The following BLTP3A variants were observed in gnomAD, a reference collection of about 807,000 sequenced individuals.
BLTP3A encodes the protein ICBP90 binding protein 1.
the BLTP3A span, chr6:34,823,422 C>G: frequency 7.7e-7 from 1 of 1,298,026 alleles, no homozygotes; most frequent in South Asian, 1.3e-5. Flanking sequence ...AAAATAAAAA[C>G]TTTTTATTAT....
At chr6:34,843,001 T>G in the BLTP3A span, among the ~76,000 whole-genome samples, 3 of 152,328 alleles carry the variant, frequency 2.0e-5, no homozygotes, top group East Asian at 3.8e-4. Flanking sequence ...TTTATTTTTT[T>G]GAAACAGGGT....
chr6:34,852,427 C>T, the BLTP3A span, among the ~76,000 whole-genome samples: 48 of 152,236 alleles, frequency 3.2e-4, no homozygotes, highest in African/African-American at 1.1e-3. Flanking sequence ...AAATGTCATG[C>T]GGGAGCTAGA....
At chr6:34,835,263 A>AT in the BLTP3A span, 1 of 1,608,596 alleles carries the variant, frequency 6.2e-7, no homozygotes, top group Non-Finnish European at 8.5e-7. Flanking sequence ...ATACGAGGTG[A>AT]TAAACCCCAT....
chr6:34,867,168 T>G, the BLTP3A span: 1 of 1,514,698 alleles, frequency 6.6e-7, no homozygotes, highest in Non-Finnish European at 8.8e-7. Flanking sequence ...TTTGTAGAGG[T>G]TGGATTTGAA....
chr6:34,829,971 A>AT, the BLTP3A span, among the ~76,000 whole-genome samples: 5 of 150,922 alleles, frequency 3.3e-5, no homozygotes, highest in East Asian at 2.0e-4. Context: ...CGCCTCACTG[A>AT]TTTTTTTGTG....
chr6:34,836,203 T>C, the BLTP3A span: 1 of 1,614,172 alleles, frequency 6.2e-7, no homozygotes, highest in Non-Finnish European at 8.5e-7. Context: ...CCCAGGCATT[T>C]GGTGGCAGCC....
At chr6:34,872,062 C>G in the BLTP3A span, 1 of 936,608 alleles carries the variant, frequency 1.1e-6, no homozygotes, top group Non-Finnish European at 1.6e-6. Flanking sequence ...TGTCACCTAG[C>G]AGCGGCTTCT....
chr6:34,795,472 A>C, the BLTP3A span, among the ~76,000 whole-genome samples: 507 of 149,728 alleles, frequency 3.4e-3, 1 homozygote, highest in South Asian at 0.016. Context: ...ATCTCGGCTC[A>C]CTGCAACCTC....
At chr6:34,836,171 C>T in the BLTP3A span, 3 of 1,614,102 alleles carry the variant, frequency 1.9e-6, no homozygotes, top group Non-Finnish European at 2.5e-6. Flanking sequence ...TCCACCAGCC[C>T]CCAGTGCCCA....
chr6:34,851,803 C>T, the BLTP3A span, among the ~76,000 whole-genome samples: 3 of 152,154 alleles, frequency 2.0e-5, no homozygotes, highest in African/African-American at 7.2e-5. Context: ...GTGCTCTATT[C>T]TACTATGGCT....
the BLTP3A span, among the ~76,000 whole-genome samples, chr6:34,824,905 A>G: frequency 6.6e-6 from 1 of 152,108 alleles, no homozygotes; most frequent in Non-Finnish European, 1.5e-5. Flanking sequence ...TCCTGGCCTC[A>G]GGTGATCCAC....
the BLTP3A span, chr6:34,836,466 C>A: frequency 1.0e-6 from 1 of 961,844 alleles, no homozygotes; most frequent in Middle Eastern, 3.4e-4. Flanking sequence ...GTTGGCTTCC[C>A]TTAATCACAG....
the BLTP3A span, chr6:34,792,372 C>T: frequency 1.7e-5 from 23 of 1,389,860 alleles, no homozygotes; most frequent in Non-Finnish European, 2.1e-5. Flanking sequence ...ACGCCGCGCT[C>T]CGGGCCCAGT....
chr6:34,818,033 T>A, the BLTP3A span, among the ~76,000 whole-genome samples: 8 of 151,990 alleles, frequency 5.3e-5, no homozygotes, highest in African/African-American at 1.9e-4. Context: ...TTTTTTTTTG[T>A]ATTTTTAGTA....
At chr6:34,853,069 T>C in the BLTP3A span, among the ~76,000 whole-genome samples, 1 of 152,216 alleles carries the variant, frequency 6.6e-6, no homozygotes, top group Non-Finnish European at 1.5e-5. Flanking sequence ...AATTCAAAAC[T>C]GTCTTTTCTA....
the BLTP3A span, chr6:34,858,988 G>A: frequency 6.2e-7 from 1 of 1,614,138 alleles, no homozygotes; most frequent in South Asian, 1.1e-5. Flanking sequence ...CTTTCCCAGT[G>A]CTGAAGTGGC....
chr6:34,847,435 T>C, the BLTP3A span, among the ~76,000 whole-genome samples: 1 of 152,132 alleles, frequency 6.6e-6, no homozygotes, highest in Non-Finnish European at 1.5e-5. Flanking sequence ...TATTGGGTCC[T>C]GGGCTTTTCT....
the BLTP3A span, among the ~76,000 whole-genome samples, chr6:34,805,206 G>A: frequency 6.6e-6 from 1 of 152,030 alleles, no homozygotes; most frequent in African/African-American, 2.4e-5. Context: ...ACCTTAGCCT[G>A]AGAGGTCGAG....
the BLTP3A span, among the ~76,000 whole-genome samples, chr6:34,808,369 AAG>A: frequency 6.6e-6 from 1 of 150,780 alleles, no homozygotes; most frequent in Non-Finnish European, 1.5e-5. Flanking sequence ...AAAAAAAAAA[AAG>A]AATAGAAATC....
Sources: gnomAD v4.1 joint callset for allele counts (sites outside exome capture counted in the v4.1 genomes callset) on GRCh38, gnomAD v4.1.1 for gene constraint, MANE v1.5 for transcripts, NCBI Gene and HGNC (gene_info 2026-07-23, HGNC 2026-07-21) for gene names.